The following WDR70 variants were observed in gnomAD, a reference collection of about 807,000 sequenced individuals.
The protein encoded by WDR70 is WD repeat domain 70.
Under a neutral mutation model 88.6 loss-of-function variants are expected in WDR70, and 53 were observed. The ratio of observed to expected loss-of-function variants is 0.60; its 90% CI spans 0.48 to 0.75. WDR70 has a LOEUF of 0.75. WDR70 is among the 30% of genes least tolerant of loss of function. The probability of loss-of-function intolerance (pLI) is 0.00; values close to 1 mark genes in which losing one functional copy is unlikely to be tolerated. For synonymous variants in WDR70, 280 were observed against 270.0 expected, an observed-to-expected ratio of 1.04 and a Z score of -0.36; for missense variants, 610 against 823.2, an observed-to-expected ratio of 0.74 and a Z score of 3.17.
chr5:37,467,158 C>T (rs183696604), intron 7 of WDR70, among the ~76,000 whole-genome samples: 13 of 146,594 alleles, frequency 8.9e-5, no homozygotes, highest in South Asian at 2.2e-4. Flanking sequence ...ACCTGGGAGG[C>T]GGAGGTTGCA....
intron 10 of WDR70, among the ~76,000 whole-genome samples, chr5:37,632,926 A>AT (rs1744858068): frequency 6.6e-6 from 1 of 152,082 alleles, no homozygotes; most frequent in African/African-American, 2.4e-5. Flanking sequence ...CAGGGATACC[A>AT]TTTTTTACTT....
At chr5:37,653,070 G>C (rs898443300) in intron 10 of WDR70, among the ~76,000 whole-genome samples, 3 of 152,140 alleles carry the variant, frequency 2.0e-5, no homozygotes, top group African/African-American at 2.4e-5. Flanking sequence ...GATACTGGCT[G>C]TGAGTTTGTC....
At chr5:37,481,481 T>C (rs1336840133) in intron 8 of WDR70, among the ~76,000 whole-genome samples, 3 of 152,114 alleles carry the variant, frequency 2.0e-5, no homozygotes, top group African/African-American at 7.2e-5. Context: ...GGTTTGGGAC[T>C]TGCACCCTCT....
chr5:37,519,169 G>A (rs901699384), intron 9 of WDR70, among the ~76,000 whole-genome samples: 4 of 152,024 alleles, frequency 2.6e-5, no homozygotes, highest in African/African-American at 9.7e-5. Context: ...AACTGCCATC[G>A]TCATCATGGC....
At chr5:37,563,230 T>C (rs1581396237) in intron 9 of WDR70, among the ~76,000 whole-genome samples, 1 of 64,928 alleles carries the variant, frequency 1.5e-5, no homozygotes, top group African/African-American at 4.5e-5. Context: ...GAGGGGCTCC[T>C]CACTTCCCAG....
intron 9 of WDR70, among the ~76,000 whole-genome samples, chr5:37,591,616 G>T (rs766336945): frequency 7.2e-5 from 11 of 152,020 alleles, no homozygotes; most frequent in Non-Finnish European, 1.5e-4. Flanking sequence ...CTTTAAGAAA[G>T]AAAAAATTCC....
intron 10 of WDR70, among the ~76,000 whole-genome samples, chr5:37,652,243 G>C (rs1423407599): frequency 6.6e-6 from 1 of 152,198 alleles, no homozygotes; most frequent in African/African-American, 2.4e-5. Context: ...AAGATCAGAT[G>C]GTTGTAGATG....
chr5:37,678,327 T>C (rs536128065), intron 10 of WDR70, among the ~76,000 whole-genome samples: 42 of 152,322 alleles, frequency 2.8e-4, no homozygotes, highest in African/African-American at 9.1e-4. Flanking sequence ...TTCCTGGTCT[T>C]GATGGTCTTT....
At chr5:37,587,711 A>C (rs74293530) in intron 9 of WDR70, among the ~76,000 whole-genome samples, 1 of 151,162 alleles carries the variant, frequency 6.6e-6, no homozygotes, top group Admixed American at 6.6e-5. Flanking sequence ...TTGTAGTCCT[A>C]TGGCTTATAC....
At chr5:37,736,698 G>C (rs976847739) in intron 17 of WDR70, among the ~76,000 whole-genome samples, 10 of 151,696 alleles carry the variant, frequency 6.6e-5, no homozygotes, top group African/African-American at 2.4e-4. Flanking sequence ...CCAACTCAAG[G>C]GGGCTTTGTG....
chr5:37,686,590 C>T (rs998989589), intron 10 of WDR70, among the ~76,000 whole-genome samples: 1 of 151,804 alleles, frequency 6.6e-6, no homozygotes, highest in African/African-American at 2.4e-5. Context: ...GTATAAAAAC[C>T]AGCCAGGCGT....
At chr5:37,726,187 C>A (rs547048802) in intron 16 of WDR70, among the ~76,000 whole-genome samples, 1 of 152,280 alleles carries the variant, frequency 6.6e-6, no homozygotes, top group Non-Finnish European at 1.5e-5. Flanking sequence ...TAGTTACTGG[C>A]CATACAAATT....
intron 5 of WDR70, among the ~76,000 whole-genome samples, chr5:37,422,506 C>T (rs1749976409): frequency 6.6e-6 from 1 of 151,752 alleles, no homozygotes; most frequent in Non-Finnish European, 1.5e-5. Flanking sequence ...TAGACAGAGT[C>T]TCACTCTGTC....
chr5:37,506,536 C>A, intron 8 of WDR70: 1 of 771,130 alleles, frequency 1.3e-6, no homozygotes, highest in Non-Finnish European at 2.4e-6. Context: ...TCTTTATTCG[C>A]TAAAGTGCTC....
At chr5:37,578,861 A>T (rs1277042516) in intron 9 of WDR70, among the ~76,000 whole-genome samples, 1 of 152,244 alleles carries the variant, frequency 6.6e-6, no homozygotes, top group Non-Finnish European at 1.5e-5. Context: ...ACATTTCCAC[A>T]GGTGGGCACT....
chr5:37,499,586 A>ATTTT (rs35275488), intron 8 of WDR70, among the ~76,000 whole-genome samples: 8 of 58,644 alleles, frequency 1.4e-4, no homozygotes, highest in African/African-American at 4.8e-4. Flanking sequence ...ATTTGGAAAT[A>ATTTT]TTCTCTCTCT....
At chr5:37,670,801 C>T (rs2112592798) in intron 10 of WDR70, among the ~76,000 whole-genome samples, 2 of 152,276 alleles carry the variant, frequency 1.3e-5, no homozygotes, top group African/African-American at 4.8e-5. Context: ...TATCCATTTT[C>T]CCTCACTGAA....
In WDR70 at chr5:37,703,146, C is replaced by A. The variant is rs532343770; in HGVS notation, c.1416+59C>A. ...TACATAAAGTTTGCCTCTTACCCATCTTTTGGTTTTGTTTGTTAAGTAGAA... is the reference window on the plus strand; with the variant it reads ...TACATAAAGTTTGCCTCTTACCCATATTTTGGTTTTGTTTGTTAAGTAGAA... On this transcript the variant is annotated intron_variant, in intron 13 of 17. Coordinates refer to ENST00000265107, the MANE Select transcript of WDR70 (RefSeq NM_018034.4). The A allele has an allele frequency of 5.7e-5, 89 of 1,570,044 alleles. No individual in the cohort carries two copies. In the South Asian group the frequency reaches 9.2e-4, roughly 16 times the overall value.
intron 9 of WDR70, among the ~76,000 whole-genome samples, chr5:37,602,048 G>A (rs1377913895): frequency 1.4e-5 from 2 of 143,606 alleles, no homozygotes; most frequent in Admixed American, 7.2e-5. Context: ...GGAGGGGAAC[G>A]TCACACACTG....
Sources: allele counts gnomAD v4.1 joint callset (sites outside exome capture counted in the v4.1 genomes callset), GRCh38; gene constraint gnomAD v4.1.1; transcripts MANE v1.5; gene names NCBI Gene and HGNC (gene_info 2026-07-23, HGNC 2026-07-21).